Variants in FAM81A observed in about 807,000 individuals in gnomAD.
FAM81A encodes the protein family with sequence similarity 81 member A, also known as protein FAM81A.
In FAM81A, 19 loss-of-function variants were observed where a neutral mutation model predicts 46.7. The observed-to-expected ratio is 0.41, with a 90% CI of 0.28 to 0.60. FAM81A has a LOEUF of 0.60. FAM81A is among the 20% of genes least tolerant of loss of function. FAM81A has a pLI of 0.34. For synonymous variants in FAM81A, 183 were observed against 152.9 expected (o/e 1.20, Z -1.45); for missense variants, 377 against 453.5 (o/e 0.83, Z 1.53).
intron 4 of FAM81A, among the ~76,000 whole-genome samples, chr15:59,502,343 A>G (rs1467617955): frequency 4.6e-5 from 7 of 151,640 alleles, no homozygotes; most frequent in Non-Finnish European, 5.9e-5. Flanking sequence ...TCCCCCCCCA[A>G]CAACAGTCCC....
chr15:59,401,770 A>T (rs1405578910), intron 1 of FAM81A: 40 of 695,192 alleles, frequency 5.8e-5, no homozygotes, highest in Admixed American at 9.4e-5. Context: ...TCTTTTCAGC[A>T]TTTTTTTTTT....
chr15:59,468,177 G>T (rs1274340616), intron 3 of FAM81A, among the ~76,000 whole-genome samples: 1 of 151,928 alleles, frequency 6.6e-6, no homozygotes, highest in Non-Finnish European at 1.5e-5. Flanking sequence ...CTCTTTTTTT[G>T]TTGTGTCTCT....
intron 4 of FAM81A, among the ~76,000 whole-genome samples, chr15:59,497,301 C>G (rs2082044265): frequency 6.6e-6 from 1 of 151,710 alleles, no homozygotes; most frequent in Non-Finnish European, 1.5e-5. Context: ...CAAAAATTAG[C>G]CAGGTGTGGT....
intron 3 of FAM81A, among the ~76,000 whole-genome samples, chr15:59,464,596 G>T (rs540655795): frequency 2.0e-5 from 3 of 151,934 alleles, no homozygotes; most frequent in Non-Finnish European, 2.9e-5. Flanking sequence ...TCATACATTT[G>T]TTTGCCATTT....
At chr15:59,448,304 G>T (rs1317116768) in intron 1 of FAM81A, among the ~76,000 whole-genome samples, 2 of 152,284 alleles carry the variant, frequency 1.3e-5, no homozygotes, top group Non-Finnish European at 1.5e-5. Flanking sequence ...TTGAACCCGG[G>T]AGGTAGATGT....
intron 2 of FAM81A, among the ~76,000 whole-genome samples, chr15:59,411,213 C>T (rs185801264): frequency 6.6e-6 from 1 of 152,154 alleles, no homozygotes; most frequent in Non-Finnish European, 1.5e-5. Flanking sequence ...GGACCATGCA[C>T]AGAGCACAGG....
chr15:59,407,345 A>G (rs1289304936), intron 2 of FAM81A: 1 of 125,214 alleles, frequency 8.0e-6, no homozygotes, highest in Non-Finnish European at 1.6e-5. Context: ...CCCAGGCTGG[A>G]GTGCAGTGGC....
At chr15:59,398,404 A>G (rs1186230167) in intron 1 of FAM81A, among the ~76,000 whole-genome samples, 2 of 152,178 alleles carry the variant, frequency 1.3e-5, no homozygotes, top group African/African-American at 4.8e-5. Context: ...CTTCCCTTTT[A>G]CACAAATGAA....
At chr15:59,467,366 G>A (rs575308263) in intron 3 of FAM81A, among the ~76,000 whole-genome samples, 1 of 152,204 alleles carries the variant, frequency 6.6e-6, no homozygotes, top group African/African-American at 2.4e-5. Flanking sequence ...ATTTGTTTGT[G>A]TCCTCTTTCA....
intron 1 of FAM81A, chr15:59,445,169 T>A (rs2081340970): frequency 6.6e-6 from 1 of 152,242 alleles, no homozygotes. Context: ...TGAAGGTGTC[T>A]GCGTTTGCTG....
Position 59,521,374 on chromosome 15 carries a change from T to A in FAM81A, c.1103T>A (p.Met368Lys), listed in dbSNP as rs774820434. The change falls in exon 9 of 9, where the codon ATG (methionine) becomes AAG (lysine). Residue 368 changes from methionine (M) to lysine (K), a missense_variant. Transcript: ENST00000288228. ...IQLMQKPETP[M>K] ...CTGATGCAGAAGCCAGAGACCCCCA[T>A]GTGAAGGGAGCTGGGACAAGGTCCT... 2.5e-6 allele frequency: 4 copies of A among 1,608,332 alleles called. No homozygotes were observed. Among genetic ancestry groups the A allele is most frequent in the Non-Finnish European group, 3.4e-6 (4 of 1,177,158 alleles).
chr15:59,449,593 A>G (rs1398479576), intron 1 of FAM81A, among the ~76,000 whole-genome samples: 1 of 152,070 alleles, frequency 6.6e-6, no homozygotes, highest in Non-Finnish European at 1.5e-5. Flanking sequence ...CATCCTGGCT[A>G]ACACAGTGAA....
At chr15:59,431,621 G>C (rs1041894425) in intron 2 of FAM81A, among the ~76,000 whole-genome samples, 1 of 148,570 alleles carries the variant, frequency 6.7e-6, no homozygotes, top group South Asian at 2.2e-4. Context: ...GGCCTCAACC[G>C]CCCCAGTAGC....
At chr15:59,503,391 G>T (rs1283735243) in intron 4 of FAM81A, among the ~76,000 whole-genome samples, 1 of 151,848 alleles carries the variant, frequency 6.6e-6, no homozygotes, top group Non-Finnish European at 1.5e-5. Context: ...AGAATGGTTT[G>T]TAGTCTAATA....
chr15:59,476,222 A>G (rs2081765877), intron 3 of FAM81A, among the ~76,000 whole-genome samples: 1 of 151,226 alleles, frequency 6.6e-6, no homozygotes, highest in Non-Finnish European at 1.5e-5. Flanking sequence ...AGTTTAACCT[A>G]CAATTTTTTT....
chr15:59,430,014 C>T (rs1373990948), intron 2 of FAM81A, among the ~76,000 whole-genome samples: 1 of 152,042 alleles, frequency 6.6e-6, no homozygotes, highest in Non-Finnish European at 1.5e-5. Flanking sequence ...TTTTACTTTA[C>T]CATTCATGAG....
chr15:59,414,321 G>A (rs1465259880), intron 2 of FAM81A, among the ~76,000 whole-genome samples: 12 of 152,202 alleles, frequency 7.9e-5, no homozygotes, highest in East Asian at 1.9e-4. Flanking sequence ...CTCACTCTCC[G>A]TGGGTTTCAT....
chr15:59,464,050 T>C (rs2081584314), intron 3 of FAM81A, among the ~76,000 whole-genome samples: 1 of 152,206 alleles, frequency 6.6e-6, no homozygotes, highest in Admixed American at 6.5e-5. Flanking sequence ...CTTTCACATA[T>C]GAGTAAGAAC....
chr15:59,413,437 C>CAT (rs1191307590), intron 2 of FAM81A, among the ~76,000 whole-genome samples: 1 of 151,626 alleles, frequency 6.6e-6, no homozygotes, highest in Admixed American at 6.6e-5. Context: ...CACACACACA[C>CAT]ACACACACAC....
Sources: gnomAD v4.1 joint callset for allele counts (sites outside exome capture counted in the v4.1 genomes callset) on GRCh38, gnomAD v4.1.1 for gene constraint, MANE v1.5 for transcripts, NCBI Gene and HGNC (gene_info 2026-07-23, HGNC 2026-07-21) for gene names.